PUM2: variants seen among roughly 807,000 people sequenced by gnomAD.
PUM2 encodes the protein pumilio homolog 2.
Under a neutral mutation model 124.5 loss-of-function variants are expected in PUM2, and 57 were observed. The ratio of observed to expected loss-of-function variants is 0.46; its 90% CI spans 0.37 to 0.57. PUM2 has a LOEUF of 0.57. Among genes scored for constraint, PUM2 ranks in the 20% least tolerant of loss-of-function variants. PUM2 has a pLI of 0.00. For synonymous variants in PUM2, 460 were observed against 446.1 expected, an observed-to-expected ratio of 1.03 and a Z score of -0.39; for missense variants, 1,065 against 1,290.6, an observed-to-expected ratio of 0.83 and a Z score of 2.68.
chr2:20,329,919 A>C (rs1435144857), intron 1 of PUM2, among the ~76,000 whole-genome samples: 2 of 152,158 alleles, frequency 1.3e-5, no homozygotes, highest in Admixed American at 1.3e-4. Context: ...TATTGAAGAA[A>C]CAATGGCCAG....
At chr2:20,264,904 T>TGTCC (rs1667273861) in intron 13 of PUM2, among the ~76,000 whole-genome samples, 1 of 152,166 alleles carries the variant, frequency 6.6e-6, no homozygotes, top group Admixed American at 6.5e-5. Context: ...CTGTCCCTAC[T>TGTCC]GTCCTAGCTT....
At chr2:20,293,465 T>C (rs1674724849) in intron 9 of PUM2, among the ~76,000 whole-genome samples, 2 of 152,182 alleles carry the variant, frequency 1.3e-5, no homozygotes, top group African/African-American at 4.8e-5. Flanking sequence ...TTCCGGCACT[T>C]TGAAAGGTCG....
intron 1 of PUM2, among the ~76,000 whole-genome samples, chr2:20,339,692 A>C (rs929768824): frequency 6.6e-6 from 1 of 152,146 alleles, no homozygotes; most frequent in Non-Finnish European, 1.5e-5. Flanking sequence ...CCAGCCTAGC[A>C]GACATGGTGA....
chr2:20,285,886 A>G (rs985403964), intron 10 of PUM2, among the ~76,000 whole-genome samples: 1 of 152,182 alleles, frequency 6.6e-6, no homozygotes, highest in Non-Finnish European at 1.5e-5. Flanking sequence ...TTCAAAGCTG[A>G]GAATCATGAA....
At chr2:20,335,779 A>G (rs1312547995) in intron 1 of PUM2, among the ~76,000 whole-genome samples, 1 of 152,264 alleles carries the variant, frequency 6.6e-6, no homozygotes, top group Non-Finnish European at 1.5e-5. Context: ...ACAGAAGCCA[A>G]AAATCTCCTT....
At chr2:20,254,076 G>C in intron 19 of PUM2, 62 bp from the exon 20 acceptor site, 1 of 1,419,354 alleles carries the variant, frequency 7.0e-7, no homozygotes, top group South Asian at 1.3e-5. Flanking sequence ...AAATTTCCTT[G>C]ACTTATAGAA....
Position 20,350,756 on chromosome 2 carries a change from TCCCCCTCCTCCTCCGAAC to T in PUM2, c.-196_-179del. ...CCCCCACCCCACCTCCTCCTTCTCCTCCCCCTCCTCCTCCGAACCACCGAAGTACCGAGGGTGAGACAC... is the reference window on the plus strand; with the variant it reads ...CCCCCACCCCACCTCCTCCTTCTCCTCACCGAAGTACCGAGGGTGAGACAC... On this transcript the variant is annotated 5_prime_UTR_variant, in exon 1 of 21. Transcript: ENST00000361078. 2 of 776,046 alleles carry T rather than the reference TCCCCCTCCTCCTCCGAAC, an allele frequency of 2.6e-6. No individual in the cohort carries two copies. The highest frequency in any genetic ancestry group is 2.9e-6 in the Non-Finnish European group (2 of 692,270). The allele number at this position is 776,046 out of a possible 1,614,324, so 48.1% of individuals were successfully genotyped here.
At chr2:20,309,922 TC>T (rs1679231849) in intron 5 of PUM2, among the ~76,000 whole-genome samples, 1 of 152,100 alleles carries the variant, frequency 6.6e-6, no homozygotes, top group Non-Finnish European at 1.5e-5. Flanking sequence ...CAAACTCCTT[TC>T]CCTTTAAGCC....
intron 7 of PUM2, among the ~76,000 whole-genome samples, chr2:20,305,213 A>G (rs1488181758): frequency 6.6e-6 from 1 of 152,152 alleles, no homozygotes; most frequent in East Asian, 1.9e-4. Context: ...GGCTGGGCGC[A>G]GTGGCTCATG....
chr2:20,342,497 A>C (rs1687420860), intron 1 of PUM2, among the ~76,000 whole-genome samples: 1 of 152,232 alleles, frequency 6.6e-6, no homozygotes, highest in South Asian at 2.1e-4. Flanking sequence ...GTAAATGTTA[A>C]CACAAATACA....
chr2:20,293,058 C>A (rs1210769030), intron 9 of PUM2, among the ~76,000 whole-genome samples: 1 of 152,120 alleles, frequency 6.6e-6, no homozygotes, highest in Non-Finnish European at 1.5e-5. Context: ...GATTCAGAAG[C>A]CTTAATAAGA....
rs1274286838 is a variant in PUM2, at chr2:20,347,460, CTAA to C, written c.-19+3134_-19+3136del. Among the ~76,000 whole-genome samples, 14 of 152,242 alleles carry C rather than the reference CTAA, an allele frequency of 9.2e-5. No homozygotes were observed. In the South Asian group the frequency reaches 2.9e-3, roughly 32 times the overall value. On this transcript the variant is annotated intron_variant, in intron 1 of 20. Transcript: ENST00000361078. ...GAAAAAGCATTTATCACGCACCTAC[CTAA>C]TAATTCTATACAGCGTTTCACTCAC...
intron 7 of PUM2, among the ~76,000 whole-genome samples, chr2:20,302,667 T>C (rs563826034): frequency 1.3e-5 from 2 of 152,176 alleles, no homozygotes; most frequent in Admixed American, 6.5e-5. Context: ...ACTATTTTAA[T>C]TGTCATAGTA....
rs373703332 is a variant in PUM2, at chr2:20,296,481, C to T, written c.1009+1072G>A. On this transcript the variant is annotated intron_variant, in intron 8 of 20. Transcript: ENST00000361078. ...CTGCACTCCAGCCTGGGCAACAGAG[C>T]GAGACTCTGTCTCAAAAAAAAAAAA... is the stretch of plus-strand genomic sequence containing the variant. 2.0e-4 allele frequency among the ~76,000 whole-genome samples: 29 copies of T among 145,290 alleles called. No homozygotes were observed. The East Asian group carries it at 2.8e-3, about 14-fold the overall frequency.
At chr2:20,334,754 T>G (rs891411818) in intron 1 of PUM2, among the ~76,000 whole-genome samples, 2 of 152,202 alleles carry the variant, frequency 1.3e-5, no homozygotes, top group African/African-American at 4.8e-5. Context: ...CAACACAAAA[T>G]GACTAATGAT....
chr2:20,316,705 T>G (rs1411170493), intron 3 of PUM2, among the ~76,000 whole-genome samples: 1 of 151,796 alleles, frequency 6.6e-6, no homozygotes, highest in East Asian at 1.9e-4. Context: ...GGTAACATAG[T>G]GAGACCCCCA....
At chr2:20,303,343 T>C (rs1677440165) in intron 7 of PUM2, among the ~76,000 whole-genome samples, 1 of 151,804 alleles carries the variant, frequency 6.6e-6, no homozygotes, top group South Asian at 2.1e-4. Flanking sequence ...AGGTCGAGGC[T>C]GCAATTAGCC....
At chr2:20,324,044 A>G (rs1683076257) in intron 2 of PUM2, among the ~76,000 whole-genome samples, 1 of 152,120 alleles carries the variant, frequency 6.6e-6, no homozygotes, top group South Asian at 2.1e-4. Flanking sequence ...TAGAATTAAG[A>G]TAGAGATTAT....
At chr2:20,261,046 C>T (rs564919869) in intron 14 of PUM2, among the ~76,000 whole-genome samples, 29 of 152,116 alleles carry the variant, frequency 1.9e-4, no homozygotes, top group African/African-American at 5.8e-4. Context: ...TAGTGCAATA[C>T]GTTACTCAGG....
Sources: allele counts gnomAD v4.1 joint callset (sites outside exome capture counted in the v4.1 genomes callset), GRCh38; gene constraint gnomAD v4.1.1; transcripts MANE v1.5; gene names NCBI Gene and HGNC (gene_info 2026-07-23, HGNC 2026-07-21).